The following EYS variants were observed in gnomAD, a reference collection of about 807,000 sequenced individuals.
EYS encodes the protein EGF-like photoreceptor maintenance factor, also known as protein eyes shut homolog.
In EYS, 250 loss-of-function variants were observed where a neutral mutation model predicts 282.1. The ratio of observed to expected loss-of-function variants is 0.89; its 90% CI spans 0.80 to 0.98. The LOEUF (loss-of-function observed/expected upper bound fraction) is 0.98. Among genes scored for constraint, EYS ranks in the 50% least tolerant of loss-of-function variants. EYS has a pLI of 0.00. For synonymous variants in EYS, 1,355 were observed against 1,282.9 expected (o/e 1.06, Z -1.20); for missense variants, 4,016 against 3,709.0 (o/e 1.08, Z -2.15).
At chr6:65,403,950 T>G (rs1057167074) in intron 6 of EYS, among the ~76,000 whole-genome samples, 14 of 152,078 alleles carry the variant, frequency 9.2e-5, no homozygotes, top group African/African-American at 3.1e-4. Context: ...ACTTTTTATT[T>G]AAATAGCAAA....
intron 22 of EYS, among the ~76,000 whole-genome samples, chr6:64,670,368 G>A (rs1769407788): frequency 6.7e-6 from 1 of 150,348 alleles, no homozygotes; most frequent in Non-Finnish European, 1.5e-5. Flanking sequence ...ACTTTGTCCA[G>A]TGCATTTTTT....
chr6:64,125,165 T>TCTCTCTCTCTCG (rs939525254), intron 31 of EYS, among the ~76,000 whole-genome samples: 1 of 151,248 alleles, frequency 6.6e-6, no homozygotes, highest in African/African-American at 2.4e-5. Context: ...TCTCTCTCTC[T>TCTCTCTCTCTCG]CTCTCTCTCT....
At chr6:65,540,132 C>T (rs1768108767) in intron 2 of EYS, among the ~76,000 whole-genome samples, 1 of 152,132 alleles carries the variant, frequency 6.6e-6, no homozygotes, top group African/African-American at 2.4e-5. Context: ...CCAGAAGGGA[C>T]ATAAGAGAAG....
intron 35 of EYS, among the ~76,000 whole-genome samples, chr6:63,951,103 C>T (rs796543316): frequency 1.4e-4 from 21 of 152,148 alleles, no homozygotes; most frequent in African/African-American, 5.1e-4. Flanking sequence ...TGTCTCTACC[C>T]TCTCTTTTGT....
intron 32 of EYS, among the ~76,000 whole-genome samples, chr6:64,080,456 G>A (rs1771925895): frequency 6.6e-6 from 1 of 151,918 alleles, no homozygotes. Context: ...CTGGATATTA[G>A]CCCTTTGTCA....
chr6:65,607,485 T>C (rs1420492301), intron 2 of EYS, among the ~76,000 whole-genome samples: 1 of 151,920 alleles, frequency 6.6e-6, no homozygotes, highest in Non-Finnish European at 1.5e-5. Flanking sequence ...GCCTTCTATT[T>C]ATTTTTGTCT....
In EYS at chr6:65,329,783, C is replaced by T. The variant is rs1471282441; in HGVS notation, c.1766+5197G>A. On this transcript the variant is annotated intron_variant, in intron 11 of 42. Coordinates refer to ENST00000503581, the MANE Select transcript of EYS (RefSeq NM_001142800.2). ...AGAAATAATTTAAGAAAATCCTGGT[C>T]AAATTATACTATACTTTTGTGCCAT... The T allele has an allele frequency of 1.9e-5, 19 of 981,162 alleles. No homozygotes were observed. The Admixed American group carries it at 4.4e-4, about 22-fold the overall frequency. 60.8% of individuals were successfully genotyped at this position (981,162 alleles called of 1,614,324 possible).
Position 64,738,748 on chromosome 6 carries a change from A to G in EYS, c.3443+74630T>C, listed in dbSNP as rs1026323160. ...GAGAAAGGCCATGCAAAAAAGGAAA[A>G]AGACTCAAATTTTAGTAATTTTTTT... On this transcript the variant is annotated intron_variant, in intron 22 of 42. Transcript: ENST00000503581. Among the ~76,000 whole-genome samples the G allele has an allele frequency of 2.6e-5, 4 of 152,208 alleles. No individual in the cohort carries two copies. The East Asian group carries it at 5.8e-4, about 22-fold the overall frequency.
chr6:64,446,127 G>T (rs1263851124), intron 26 of EYS, among the ~76,000 whole-genome samples: 1 of 152,176 alleles, frequency 6.6e-6, no homozygotes, highest in Non-Finnish European at 1.5e-5. Flanking sequence ...GTTTAAGGAT[G>T]AGTCTAGCCA....
chr6:65,267,111 C>T (rs755933049), intron 12 of EYS, among the ~76,000 whole-genome samples: 1 of 151,368 alleles, frequency 6.6e-6, no homozygotes, highest in Admixed American at 6.6e-5. Context: ...ACAAGTACCT[C>T]GGCTTTTCAG....
At chr6:65,145,157 A>G (rs934612699) in intron 12 of EYS, among the ~76,000 whole-genome samples, 1 of 152,050 alleles carries the variant, frequency 6.6e-6, no homozygotes, top group Non-Finnish European at 1.5e-5. Flanking sequence ...CAAAAATAAT[A>G]TCCCATTGGA....
intron 4 of EYS, among the ~76,000 whole-genome samples, chr6:65,494,142 C>T (rs1766143634): frequency 6.6e-6 from 1 of 151,932 alleles, no homozygotes; most frequent in East Asian, 1.9e-4. Context: ...TTCTAAGAGC[C>T]CTCCTTCAGT....
chr6:65,378,602 C>A (rs1181737135), intron 8 of EYS, among the ~76,000 whole-genome samples: 1 of 152,100 alleles, frequency 6.6e-6, no homozygotes. Flanking sequence ...TATTGTGGCA[C>A]TGTTCACAAT....
chr6:64,033,870 G>GAGTGGAC (rs1466319496), intron 33 of EYS, among the ~76,000 whole-genome samples: 1 of 150,382 alleles, frequency 6.6e-6, no homozygotes, highest in Non-Finnish European at 1.5e-5. Context: ...ATAAAATTGG[G>GAGTGGAC]AGTGGACTTA....
chr6:64,014,750 C>T (rs1387569285), intron 33 of EYS, among the ~76,000 whole-genome samples: 1 of 151,226 alleles, frequency 6.6e-6, no homozygotes, highest in Non-Finnish European at 1.5e-5. Flanking sequence ...TCTAAATATC[C>T]TTTGGCTTGG....
chr6:65,648,944 A>T (rs1767554325), intron 1 of EYS, among the ~76,000 whole-genome samples: 1 of 151,854 alleles, frequency 6.6e-6, no homozygotes, highest in Non-Finnish European at 1.5e-5. Flanking sequence ...CAGGAGATAG[A>T]GACCATCCTG....
intron 12 of EYS, among the ~76,000 whole-genome samples, chr6:65,153,190 A>G (rs1764654926): frequency 6.6e-6 from 1 of 151,874 alleles, no homozygotes; most frequent in Admixed American, 6.6e-5. Context: ...ACCATATGGG[A>G]AGGCCATGCA....
intron 2 of EYS, among the ~76,000 whole-genome samples, chr6:65,558,132 A>G (rs1412701866): frequency 6.6e-6 from 1 of 152,142 alleles, no homozygotes; most frequent in East Asian, 1.9e-4. Context: ...TTTCCTGCCT[A>G]GAAACCTGTC....
intron 14 of EYS, among the ~76,000 whole-genome samples, chr6:64,993,883 G>A (rs72875972): frequency 0.068 from 10,107 of 148,606 alleles, 428 homozygotes; most frequent in East Asian, 0.13. Flanking sequence ...TGTAGTATAC[G>A]TGTGTGTGTG....
Sources: gnomAD v4.1 joint callset for allele counts (sites outside exome capture counted in the v4.1 genomes callset) on GRCh38, gnomAD v4.1.1 for gene constraint, MANE v1.5 for transcripts, NCBI Gene and HGNC (gene_info 2026-07-23, HGNC 2026-07-21) for gene names.